Variants in MROH9 observed in about 807,000 individuals in gnomAD.
MROH9 encodes maestro heat like repeat family member 9, also known as maestro heat-like repeat-containing protein family member 9.
A neutral mutation model predicts 98.2 loss-of-function variants in MROH9; 92 were observed. The observed-to-expected ratio is 0.94, with a 90% confidence interval of 0.79 to 1.11. MROH9 has a LOEUF of 1.11. Ranked by LOEUF, MROH9 falls within the 50% of genes most tolerant of loss-of-function variation. The pLI, the probability that MROH9 is intolerant of heterozygous loss-of-function variation, is 0.00. For missense variants in MROH9, 1,057 were observed against 1,014.8 expected (o/e 1.04, Z -0.57); for synonymous variants, 397 against 368.9 (o/e 1.08, Z -0.87).
chr1:171,009,063 T>C (rs1652060607), intron 15 of MROH9, among the ~76,000 whole-genome samples: 1 of 150,684 alleles, frequency 6.6e-6, no homozygotes, highest in African/African-American at 2.4e-5. Context: ...TTTAAATATA[T>C]ACTTATCTTT....
At chr1:171,057,087 C>A (rs998871640) in intron 20 of MROH9, among the ~76,000 whole-genome samples, 6 of 152,182 alleles carry the variant, frequency 3.9e-5, no homozygotes, top group African/African-American at 1.2e-4. Flanking sequence ...GTCTCTCCAG[C>A]AAGGGCACAG....
intron 12 of MROH9, 45 bp from the exon 13 acceptor site, chr1:170,995,344 G>C: frequency 2.5e-6 from 4 of 1,609,458 alleles, no homozygotes; most frequent in Non-Finnish European, 3.4e-6. Flanking sequence ...ACCGGGTTTA[G>C]AGAAAAATGT....
chr1:171,054,923 G>C (rs985143287), intron 20 of MROH9, among the ~76,000 whole-genome samples: 1 of 151,894 alleles, frequency 6.6e-6, no homozygotes, highest in African/African-American at 2.4e-5. Flanking sequence ...AACTAGTACA[G>C]CCATTATGGA....
chr1:170,995,524 A>G lies in MROH9; in HGVS notation c.1330A>G (p.Arg444Gly), dbSNP rs201732618. ...TGAGCTGAAACCGATACTCAAGGAC[A>G]GGGCTTTGTGAGTTAAAACTGGTTA... ...NSELKPILKDRALYAQDALRV... is the reference protein window; with the variant it reads ...NSELKPILKDGALYAQDALRV... Residue 444 changes from arginine to glycine, a missense_variant, in exon 13 of 22, where the codon AGG becomes GGG. By Grantham distance (125) the Arg-to-Gly change is moderately radical. Transcript: ENST00000367759. The G allele has an allele frequency of 2.5e-5, 41 of 1,613,076 alleles. No homozygotes were observed. In the South Asian group the frequency reaches 3.8e-4, roughly 15 times the overall value.
intron 7 of MROH9, among the ~76,000 whole-genome samples, chr1:170,968,842 T>C (rs1215080018): frequency 1.3e-5 from 2 of 152,118 alleles, no homozygotes; most frequent in African/African-American, 2.4e-5. Flanking sequence ...TAAAAGGAAA[T>C]ATAACTAAAG....
At chr1:170,939,385 G>A (rs57834074) in intron 1 of MROH9, among the ~76,000 whole-genome samples, 14,757 of 152,212 alleles carry the variant, frequency 0.097, 1,144 homozygotes, top group African/African-American at 0.21. Flanking sequence ...ATTTCTCTTG[G>A]CCATTGTCCT....
At chr1:171,021,680 G>A (rs1652523515) in intron 17 of MROH9, among the ~76,000 whole-genome samples, 1 of 152,066 alleles carries the variant, frequency 6.6e-6, no homozygotes, top group African/African-American at 2.4e-5. Flanking sequence ...TAGCGTTCAG[G>A]ACATAGGCGT....
chr1:170,945,690 TAACA>T (rs1649303706), intron 2 of MROH9, 109 bp downstream of exon 2: 4 of 936,162 alleles, frequency 4.3e-6, no homozygotes, highest in Non-Finnish European at 6.2e-6. Flanking sequence ...GTAACCATGA[TAACA>T]AAGAATGTAC....
chr1:170,977,483 G>T (rs1650749527), intron 8 of MROH9, among the ~76,000 whole-genome samples: 1 of 152,142 alleles, frequency 6.6e-6, no homozygotes, highest in Non-Finnish European at 1.5e-5. Context: ...TCATGGTAGG[G>T]TATGTTAGTG....
At chr1:170,987,702 A>G (rs541828669) in intron 10 of MROH9, among the ~76,000 whole-genome samples, 3 of 152,348 alleles carry the variant, frequency 2.0e-5, no homozygotes, top group Non-Finnish European at 4.4e-5. Flanking sequence ...CAGCTCACAC[A>G]TGCATACGTA....
chr1:171,001,069 TG>T (rs1651767797), intron 15 of MROH9, among the ~76,000 whole-genome samples: 1 of 152,124 alleles, frequency 6.6e-6, no homozygotes, highest in African/African-American at 2.4e-5. Context: ...TGTATCTCAA[TG>T]GTGTCAGTTG....
intron 2 of MROH9, among the ~76,000 whole-genome samples, chr1:170,947,164 T>C (rs1010158645): frequency 2.0e-5 from 3 of 152,054 alleles, no homozygotes; most frequent in Non-Finnish European, 4.4e-5. Context: ...CAAGTTCATA[T>C]TTAAAATCTT....
intron 16 of MROH9, 38 bp downstream of exon 16, chr1:171,014,292 A>C (rs1557898719): frequency 5.2e-6 from 8 of 1,524,618 alleles, no homozygotes; most frequent in Non-Finnish European, 6.2e-6. Context: ...GCATCATCTA[A>C]ATCATAATCT....
At chr1:170,958,431 T>TC (rs35425940) in intron 3 of MROH9, 30 bp from the exon 4 acceptor site, 184,212 of 773,442 alleles carry the variant, frequency 0.24, 4,995 homozygotes, top group East Asian at 0.46. Flanking sequence ...TAATTCTTCT[T>TC]TTTTTTTTTT....
intron 4 of MROH9, among the ~76,000 whole-genome samples, chr1:170,959,128 C>A (rs1649905692): frequency 6.6e-6 from 1 of 152,158 alleles, no homozygotes; most frequent in Non-Finnish European, 1.5e-5. Flanking sequence ...CTAATCCCAG[C>A]ACTTTGGGAG....
chr1:170,953,501 G>A (rs1256063652), intron 3 of MROH9, among the ~76,000 whole-genome samples: 1 of 151,856 alleles, frequency 6.6e-6, no homozygotes, highest in Non-Finnish European at 1.5e-5. Context: ...TCCATTTTGT[G>A]TAGGTGCAAG....
chr1:170,999,767 A>G (rs1373857393), intron 15 of MROH9, among the ~76,000 whole-genome samples: 2 of 152,154 alleles, frequency 1.3e-5, no homozygotes, highest in Non-Finnish European at 2.9e-5. Context: ...ACAGTTTTCC[A>G]TAGTGGCTGT....
chr1:171,020,958 C>T (rs1054566220), intron 17 of MROH9, among the ~76,000 whole-genome samples: 1 of 152,098 alleles, frequency 6.6e-6, no homozygotes, highest in Non-Finnish European at 1.5e-5. Context: ...CATTTCCATG[C>T]ACCAACAATA....
intron 1 of MROH9, among the ~76,000 whole-genome samples, chr1:170,940,370 C>T (rs540725288): frequency 2.0e-5 from 3 of 152,216 alleles, no homozygotes; most frequent in South Asian, 4.2e-4. Flanking sequence ...AGCATAATGT[C>T]GCCAATATAA....
Sources: gnomAD v4.1 joint callset for allele counts (sites outside exome capture counted in the v4.1 genomes callset) on GRCh38, gnomAD v4.1.1 for gene constraint, MANE v1.5 for transcripts, NCBI Gene and HGNC (gene_info 2026-07-23, HGNC 2026-07-21) for gene names.